Variants in FRMD3 observed in about 807,000 individuals in gnomAD.
FRMD3 encodes the protein FERM domain containing 3.
Under a neutral mutation model 70.2 loss-of-function variants are expected in FRMD3, and 33 were observed. That is an observed-to-expected ratio of 0.47 (90% CI 0.36 to 0.63). The LOEUF (loss-of-function observed/expected upper bound fraction) is 0.63. Ranked by LOEUF, FRMD3 falls within the 20% of genes least tolerant of loss-of-function variation. The probability of loss-of-function intolerance (pLI) is 0.00; values close to 1 mark genes in which losing one functional copy is unlikely to be tolerated. For missense variants in FRMD3, 632 were observed against 711.4 expected (o/e 0.89, Z 1.27); for synonymous variants, 279 against 255.9 (o/e 1.09, Z -0.86).
At chr9:83,388,566 C>T (rs889489988) in intron 2 of FRMD3, among the ~76,000 whole-genome samples, 11 of 152,162 alleles carry the variant, frequency 7.2e-5, no homozygotes, top group South Asian at 4.1e-4. Flanking sequence ...GAAGGGCACA[C>T]ATCACGTGGT....
chr9:83,550,878 C>A, the FRMD3 span, among the ~76,000 whole-genome samples: 1 of 151,946 alleles, frequency 6.6e-6, no homozygotes, highest in Non-Finnish European at 1.5e-5. Flanking sequence ...GATTTTGGGA[C>A]AAGACTATGG....
At chr9:83,569,021 G>C in the FRMD3 span, among the ~76,000 whole-genome samples, 1 of 151,604 alleles carries the variant, frequency 6.6e-6, no homozygotes, top group Admixed American at 6.6e-5. Flanking sequence ...ACAATATTGG[G>C]AAATGATTTC....
chr9:83,328,806 T>C (rs1265152472), intron 6 of FRMD3, among the ~76,000 whole-genome samples: 1 of 152,154 alleles, frequency 6.6e-6, no homozygotes, highest in Non-Finnish European at 1.5e-5. Context: ...GATGCATGGA[T>C]GGATGGATGA....
rs574337752 is a variant in FRMD3 at position 83,537,561 on chromosome 9, C to A, written c.147+524G>T. ...CCCCACGCGGAGAACTAAAGACCAC[C>A]GGCGGAGGGTGAGGGGGACCGACAC... On this transcript the variant is annotated intron_variant, in intron 1 of 13. Coordinates refer to ENST00000304195, the MANE Select transcript of FRMD3 (RefSeq NM_174938.6). The surrounding 1 kb of genome is among the most constrained non-coding windows in gnomAD (Gnocchi z 4.1). Among the ~76,000 whole-genome samples the A allele has an allele frequency of 6.6e-6, 1 of 152,342 alleles. No homozygotes were observed. The highest frequency in any genetic ancestry group is 6.5e-5 in the Admixed American group (1 of 15,310).
chr9:83,345,874 C>T (rs898035755), intron 4 of FRMD3, among the ~76,000 whole-genome samples: 3 of 152,284 alleles, frequency 2.0e-5, no homozygotes, highest in African/African-American at 7.2e-5. Flanking sequence ...GCTTCTGGAT[C>T]CTACCCCAGA....
At chr9:83,354,651 A>G (rs1564030929) in intron 3 of FRMD3, among the ~76,000 whole-genome samples, 1 of 152,232 alleles carries the variant, frequency 6.6e-6, no homozygotes, top group Non-Finnish European at 1.5e-5. Flanking sequence ...TGAATCTAAA[A>G]TAAAAGTTAA....
Position 83,455,489 on chromosome 9 carries a change from CAT to C in FRMD3, c.148-65783_148-65782del, listed in dbSNP as rs545113786. Among the ~76,000 whole-genome samples the C allele has an allele frequency of 2.1e-3, 325 of 152,290 alleles. 2 individuals are homozygous for C. The highest frequency in any genetic ancestry group is 0.017 in the Middle Eastern group (5 of 294). ...GGGGTTGCCACTTTTGCTTCTTCCT[CAT>C]TTTTTCTCTTGCCACTGCCATGTAA... On this transcript the variant is annotated intron_variant, in intron 1 of 13. Coordinates refer to ENST00000304195, the MANE Select transcript of FRMD3 (RefSeq NM_174938.6).
chr9:83,542,927 AC>A (rs756108618), upstream of FRMD3, among the ~76,000 whole-genome samples: 13 of 152,310 alleles, frequency 8.5e-5, no homozygotes, highest in East Asian at 1.4e-3. Context: ...GACATAGACC[AC>A]ACACTGTTCA....
At chr9:83,252,828 AT>A (rs1832493430) in intron 13 of FRMD3, among the ~76,000 whole-genome samples, 1 of 152,166 alleles carries the variant, frequency 6.6e-6, no homozygotes, top group African/African-American at 2.4e-5. Flanking sequence ...CTAAATATAT[AT>A]GCACCCAATA....
At chr9:83,509,344 C>T (rs1470022275) in intron 1 of FRMD3, among the ~76,000 whole-genome samples, 5 of 152,118 alleles carry the variant, frequency 3.3e-5, no homozygotes, top group African/African-American at 9.7e-5. Flanking sequence ...TAAATTCAAA[C>T]GAGATCTCTG....
chr9:83,505,489 C>T lies in FRMD3; in HGVS notation c.147+32596G>A, dbSNP rs147854593. ...CAGATGGGGGTGCTGAGTAGAGAGG[C>T]GATAGGACAGGTGGCCTGAGAGAGC... On this transcript the variant is annotated intron_variant, in intron 1 of 13. Coordinates refer to ENST00000304195, the MANE Select transcript of FRMD3 (RefSeq NM_174938.6). Among the ~76,000 whole-genome samples the T allele has an allele frequency of 3.6e-4, 55 of 152,176 alleles. 1 individual carries two copies. In the East Asian group the frequency reaches 5.6e-3, roughly 16 times the overall value.
At chr9:83,363,875 T>C (rs1002374561) in intron 3 of FRMD3, among the ~76,000 whole-genome samples, 4 of 152,196 alleles carry the variant, frequency 2.6e-5, no homozygotes, top group Admixed American at 6.6e-5. Context: ...ATTTTTAATC[T>C]TGAAAGATAT....
chr9:83,378,993 G>A (rs1825276451), intron 2 of FRMD3, among the ~76,000 whole-genome samples: 1 of 150,640 alleles, frequency 6.6e-6, no homozygotes, highest in Non-Finnish European at 1.5e-5. Context: ...CTCTCAAAGT[G>A]CTGTGATTAA....
intron 13 of FRMD3, among the ~76,000 whole-genome samples, chr9:83,279,928 G>A (rs1833918323): frequency 6.6e-6 from 1 of 152,152 alleles, no homozygotes; most frequent in South Asian, 2.1e-4. Context: ...TAACAAACAT[G>A]CACGTTCTGT....
chr9:83,352,803 T>C (rs73463651), intron 3 of FRMD3, among the ~76,000 whole-genome samples: 64 of 152,324 alleles, frequency 4.2e-4, no homozygotes, highest in African/African-American at 1.5e-3. Context: ...CGTCGTCTCC[T>C]GTCAATGGTC....
intron 5 of FRMD3, among the ~76,000 whole-genome samples, chr9:83,336,779 C>G (rs1459736912): frequency 6.6e-6 from 1 of 150,580 alleles, no homozygotes; most frequent in Non-Finnish European, 1.5e-5. Flanking sequence ...TATACCCCCT[C>G]CCTCATTAAT....
At chr9:83,314,038 G>A (rs868174096) in intron 6 of FRMD3, among the ~76,000 whole-genome samples, 1 of 152,164 alleles carries the variant, frequency 6.6e-6, no homozygotes, top group South Asian at 2.1e-4. Flanking sequence ...GCAGGCCCTT[G>A]CAAATTCAAC....
At chr9:83,334,174 A>T (rs542572914) in intron 6 of FRMD3, among the ~76,000 whole-genome samples, 1 of 152,196 alleles carries the variant, frequency 6.6e-6, no homozygotes, top group Non-Finnish European at 1.5e-5. Context: ...ATCGAACTTT[A>T]TTTCTACCTC....
downstream of FRMD3, chr9:83,244,522 T>TGTC: frequency 7.4e-6 from 1 of 135,880 alleles, no homozygotes; most frequent in South Asian, 4.2e-4. Context: ...CACCATTATA[T>TGTC]GTTGACCTCA....
Sources: allele counts gnomAD v4.1 joint callset (sites outside exome capture counted in the v4.1 genomes callset), GRCh38; gene constraint gnomAD v4.1.1; non-coding constraint Gnocchi (gnomAD v3.1); transcripts MANE v1.5; gene names NCBI Gene and HGNC (gene_info 2026-07-23, HGNC 2026-07-21).